Variants in ATXN7L2 observed in about 807,000 individuals in gnomAD.
The protein encoded by ATXN7L2 is ataxin-7-like protein 2.
ATXN7L2 carries 17 observed loss-of-function variants against 59.6 expected under a neutral mutation model. The observed-to-expected ratio is 0.29, with a 90% CI of 0.20 to 0.43. ATXN7L2 has a LOEUF of 0.43. Among genes scored for constraint, ATXN7L2 ranks in the 20% least tolerant of loss-of-function variants. The pLI is 1.00. For missense variants in ATXN7L2, 858 were observed against 1,008.9 expected (o/e 0.85, Z 2.03); for synonymous variants, 378 against 392.5 (o/e 0.96, Z 0.44).
intron 1 of ATXN7L2, among the ~76,000 whole-genome samples, chr1:109,484,385 C>T (rs966804587): frequency 1.3e-5 from 2 of 152,108 alleles, no homozygotes; most frequent in Non-Finnish European, 2.9e-5. Flanking sequence ...GCTCGCGACC[C>T]TCCTGCACCT....
Position 109,491,369 on chromosome 1 carries a change from G to C in ATXN7L2, c.1902G>C (p.Ser634=). Residue 634 remains serine, a synonymous_variant, in exon 10 of 11, where the codon TCG becomes TCC. Transcript: ENST00000683729. This position sits in a 1 kb window ranked among gnomAD's most constrained non-coding sequence, Gnocchi z 4.1. The part of the protein sequence containing the change: ...KGKPSGCRGL[S]AKTKTALSMG... ...AACCCTCTGGCTGTAGGGGCCTCTC[G>C]GCCAAAACTAAAACAGCCCTGAGCA... The C allele has an allele frequency of 6.2e-7, 1 of 1,614,244 alleles. No individual in the cohort carries two copies. The highest frequency in any genetic ancestry group is 1.7e-5 in the Admixed American group (1 of 60,030).
chr1:109,488,617 C>T lies in ATXN7L2; in HGVS notation c.879+152C>T. 2.8e-6 allele frequency: 3 copies of T among 1,052,690 alleles called. No individual in the cohort carries two copies. Among genetic ancestry groups the T allele is most frequent in the Non-Finnish European group, 4.1e-6 (3 of 730,028 alleles). 65.2% of individuals were successfully genotyped at this position (1,052,690 alleles called of 1,614,324 possible). ...AAGGGAAGGGGAGATGGGTATGCCCCTCCTGGGCAGAAGGTGGGAACAGTG... is the reference window on the plus strand; with the variant it reads ...AAGGGAAGGGGAGATGGGTATGCCCTTCCTGGGCAGAAGGTGGGAACAGTG... On this transcript the variant is annotated intron_variant, in intron 6 of 10. Transcript: ENST00000683729. This position sits in a 1 kb window ranked among gnomAD's most constrained non-coding sequence, Gnocchi z 5.0.
Position 109,486,467 on chromosome 1 carries a change from G to A in ATXN7L2, c.194-39G>A, listed in dbSNP as rs1261900383. The A allele has an allele frequency of 6.4e-7, 1 of 1,550,976 alleles. No individual in the cohort carries two copies. Among genetic ancestry groups the A allele is most frequent in the African/African-American group, 1.4e-5 (1 of 73,454 alleles). ...CTCCGATCTTCCAGAGAAACCCTGGGATCTTCAGCCCCAGTGACATGGGCT... is the reference window on the plus strand; with the variant it reads ...CTCCGATCTTCCAGAGAAACCCTGGAATCTTCAGCCCCAGTGACATGGGCT... On this transcript the variant is annotated intron_variant, in intron 2 of 10. Coordinates refer to ENST00000683729, the MANE Select transcript of ATXN7L2 (RefSeq NM_001350175.2). This position sits in a 1 kb window ranked among gnomAD's most constrained non-coding sequence, Gnocchi z 4.3.
chr1:109,484,089 A>T lies in ATXN7L2; in HGVS notation c.127+9A>T. ...CCTGCCCGCGGCTGACGGTGAGTAA[A>T]GCCACCCTAAAGTCCGGGGACCCCA... On this transcript the variant is annotated intron_variant, in intron 1 of 10. Coordinates refer to ENST00000683729, the MANE Select transcript of ATXN7L2 (RefSeq NM_001350175.2). The T allele has an allele frequency of 6.6e-7, 1 of 1,508,482 alleles. No homozygotes were observed. Among genetic ancestry groups the T allele is most frequent in the Non-Finnish European group, 8.9e-7 (1 of 1,124,190 alleles). 93.4% of individuals were successfully genotyped at this position (1,508,482 alleles called of 1,614,324 possible). A position where few individuals can be genotyped will look rare whatever the true frequency, so the allele number is the denominator to read the frequency against.
Position 109,488,613 on chromosome 1 carries a change from G to A in ATXN7L2, c.879+148G>A. ...ACCCAAGGGAAGGGGAGATGGGTAT[G>A]CCCCTCCTGGGCAGAAGGTGGGAAC... is the stretch of plus-strand genomic sequence containing the variant. On this transcript the variant is annotated intron_variant, in intron 6 of 10. Coordinates refer to ENST00000683729, the MANE Select transcript of ATXN7L2 (RefSeq NM_001350175.2). This position sits in a 1 kb window ranked among gnomAD's most constrained non-coding sequence, Gnocchi z 5.0. 1 of 1,043,526 alleles carries A rather than the reference G, an allele frequency of 9.6e-7. No individual in the cohort carries two copies. Among genetic ancestry groups the A allele is most frequent in the Non-Finnish European group, 1.4e-6 (1 of 720,066 alleles). The allele number at this position is 1,043,526 out of a possible 1,614,324, so 64.6% of individuals were successfully genotyped here.
chr1:109,486,516 C>T lies in ATXN7L2; in HGVS notation c.204C>T (p.Ile68=), dbSNP rs1333501876. ...AMTLIKEDMS[I]FGHCPAHDDF... is the part of the protein sequence containing the mutation. ...CTTCTGTCATTGCAGACATGTCCAT[C>T]TTCGGGCACTGCCCTGCCCATGATG... The change falls in exon 3 of 11, where the codon ATC becomes ATT. Residue 68 remains isoleucine, a synonymous_variant. Transcript: ENST00000683729. The surrounding 1 kb of genome is among the most constrained non-coding windows in gnomAD (Gnocchi z 4.3). The T allele has an allele frequency of 6.2e-7, 1 of 1,612,806 alleles. No individual in the cohort carries two copies. Among genetic ancestry groups the T allele is most frequent in the Non-Finnish European group, 8.5e-7 (1 of 1,178,912 alleles).
intron 8 of ATXN7L2, 31 bp from the exon 9 acceptor site, chr1:109,490,240 T>G (rs772061389): frequency 6.2e-7 from 1 of 1,611,384 alleles, no homozygotes; most frequent in Non-Finnish European, 8.5e-7. Context: ...CCCCAGACCC[T>G]GCCAACCATG....
intron 1 of ATXN7L2, chr1:109,485,608 T>A (rs1656528791): frequency 1.0e-6 from 1 of 985,716 alleles, no homozygotes; most frequent in African/African-American, 1.7e-5. Context: ...CATCGAGAAA[T>A]CTCAAGAAGA....
At position 109,486,240 on chromosome 1, in the gene ATXN7L2, T is replaced by C. The variant is rs1656574009; in HGVS notation, c.193+118T>C. ...AGCAGCTGTCTGGGGACCCTCATTT[T>C]GATAGGTCCGAGTCGGCCGGTTGTT... On this transcript the variant is annotated intron_variant, in intron 2 of 10. Transcript: ENST00000683729. The surrounding 1 kb of genome is among the most constrained non-coding windows in gnomAD (Gnocchi z 4.3). The C allele has an allele frequency of 7.0e-7, 1 of 1,433,382 alleles. No individual in the cohort carries two copies. The highest frequency in any genetic ancestry group is 9.3e-7 in the Non-Finnish European group (1 of 1,080,776). 88.8% of individuals were successfully genotyped at this position (1,433,382 alleles called of 1,614,324 possible).
rs768099100 is a variant in ATXN7L2 at position 109,490,308 on chromosome 1, G to C, written c.1370G>C (p.Cys457Ser). 6.2e-7 allele frequency: 1 copy of C among 1,613,972 alleles called. No individual in the cohort carries two copies. The highest frequency in any genetic ancestry group is 8.5e-7 in the Non-Finnish European group (1 of 1,180,024). The part of the protein sequence containing the change: ...TFGSRLVSPG[C>S]YVFSRRLDRF... The stretch of plus-strand genomic sequence containing the variant: ...GGGAGCCGGCTGGTGAGCCCAGGAT[G>C]CTATGTGTTTAGCCGCCGGCTGGAC... The change falls in exon 9 of 11, where the codon TGC becomes TCC. Residue 457 changes from cysteine (C) to serine (S), a missense_variant. Cys to Ser is a moderately radical substitution (Grantham distance 112). Transcript: ENST00000683729.
chr1:109,487,843 G>A, intron 5 of ATXN7L2, 39 bp downstream of exon 5: 1 of 1,553,664 alleles, frequency 6.4e-7, no homozygotes, highest in Non-Finnish European at 8.7e-7. Context: ...AATGTAGAGT[G>A]GGGACTCCTT....
intron 10 of ATXN7L2, 92 bp from the exon 11 acceptor site, chr1:109,492,494 G>A: frequency 2.6e-6 from 4 of 1,536,836 alleles, no homozygotes; most frequent in Non-Finnish European, 3.6e-6. Flanking sequence ...AGGAAATCAA[G>A]CTTTAGCCTC....
At position 109,486,764 on chromosome 1, in the gene ATXN7L2, C is replaced by T. The variant is rs145836456; in HGVS notation, c.298+154C>T. Among the ~76,000 whole-genome samples, 1,474 of 152,026 alleles carry T rather than the reference C, an allele frequency of 9.7e-3. 16 individuals carry two copies. The highest frequency in any genetic ancestry group is 0.05 in the South Asian group (239 of 4,814). Reference sequence around the variant, plus strand: ...GTGGCTTCAGAGCATTGTGGGGAGTCGGGTTATTGTTTGAACAAAATTCTA... The same window carrying T: ...GTGGCTTCAGAGCATTGTGGGGAGTTGGGTTATTGTTTGAACAAAATTCTA... On this transcript the variant is annotated intron_variant, in intron 3 of 10. Transcript: ENST00000683729. This position sits in a 1 kb window ranked among gnomAD's most constrained non-coding sequence, Gnocchi z 4.3.
Position 109,488,566 on chromosome 1 carries a change from T to G in ATXN7L2, c.879+101T>G, listed in dbSNP as rs12049330. 0.16 allele frequency: 210,317 copies of G among 1,356,094 alleles called. 17,802 individuals carry two copies. Among genetic ancestry groups the G allele is most frequent in the East Asian group, 0.3 (12,082 of 40,204 alleles). The allele number at this position is 1,356,094 out of a possible 1,614,324, so 84.0% of individuals were successfully genotyped here. On this transcript the variant is annotated intron_variant, in intron 6 of 10. Transcript: ENST00000683729. This position sits in a 1 kb window ranked among gnomAD's most constrained non-coding sequence, Gnocchi z 5.0. ...ATGTCGATGTTACTGAAGGTCCAGC[T>G]TAAGGGAGGGCAGTTAGGCCCACCC...
Position 109,488,247 on chromosome 1 carries a change from G to T in ATXN7L2, c.797-136G>T. 1 of 810,894 alleles carries T rather than the reference G, an allele frequency of 1.2e-6. No homozygotes were observed. Among genetic ancestry groups the T allele is most frequent in the Non-Finnish European group, 2.0e-6 (1 of 490,788 alleles). 50.2% of individuals were successfully genotyped at this position (810,894 alleles called of 1,614,324 possible). A position where few individuals can be genotyped will look rare whatever the true frequency, so the allele number is the denominator to read the frequency against. ...TTGATGCCCAGAAGTTTATCTGGAAGGTACAGCCCCAGGCTGAGGGCTGGA... is the reference window on the plus strand; with the variant it reads ...TTGATGCCCAGAAGTTTATCTGGAATGTACAGCCCCAGGCTGAGGGCTGGA... On this transcript the variant is annotated intron_variant, in intron 5 of 10. Coordinates refer to ENST00000683729, the MANE Select transcript of ATXN7L2 (RefSeq NM_001350175.2). This position sits in a 1 kb window ranked among gnomAD's most constrained non-coding sequence, Gnocchi z 5.0.
intron 4 of ATXN7L2, 81 bp downstream of exon 4, chr1:109,487,298 G>C: frequency 7.4e-7 from 1 of 1,345,178 alleles, no homozygotes; most frequent in South Asian, 1.6e-5. Flanking sequence ...GACAGCCCTG[G>C]GTCAAGGCAT....
At chr1:109,489,243 CAGT>C in intron 7 of ATXN7L2, 143 bp downstream of exon 7, 10 of 1,154,324 alleles carry the variant, frequency 8.7e-6, no homozygotes, top group Non-Finnish European at 1.2e-5. Context: ...GGGCTCCTGA[CAGT>C]GGTGTGGAAG....
At chr1:109,487,398 C>A in intron 4 of ATXN7L2, 120 bp from the exon 5 acceptor site, 1 of 1,229,620 alleles carries the variant, frequency 8.1e-7, no homozygotes, top group Non-Finnish European at 1.1e-6. Context: ...GTGTTTCACA[C>A]CCCTGCTGGA....
At chr1:109,490,828 T>A in intron 9 of ATXN7L2, 94 bp from the exon 10 acceptor site, 1 of 1,390,690 alleles carries the variant, frequency 7.2e-7, no homozygotes, top group Non-Finnish European at 9.8e-7. Flanking sequence ...TGCTGACCAT[T>A]TCTAGGTGGG....
Sources: gnomAD v4.1 joint callset for allele counts (sites outside exome capture counted in the v4.1 genomes callset) on GRCh38, gnomAD v4.1.1 for gene constraint, Gnocchi (gnomAD v3.1) non-coding constraint, MANE v1.5 for transcripts, NCBI Gene and HGNC (gene_info 2026-07-23, HGNC 2026-07-21) for gene names.